Variants in SPTBN1 observed in about 807,000 individuals in gnomAD.
The protein encoded by SPTBN1 is spectrin beta chain, non-erythrocytic 1.
A neutral mutation model predicts 266.4 loss-of-function variants in SPTBN1; 32 were observed. The ratio of observed to expected loss-of-function variants is 0.12; its 90% CI spans 0.09 to 0.16. The LOEUF (loss-of-function observed/expected upper bound fraction) is 0.16. SPTBN1 is among the 10% of genes least tolerant of loss of function. SPTBN1 has a pLI of 1.00. For synonymous variants in SPTBN1, 1,336 were observed against 1,162.2 expected (o/e 1.15, Z -3.04); for missense variants, 2,296 against 3,067.1 (o/e 0.75, Z 5.94).
chr2:54,513,263 G>T (rs543283595), intron 1 of SPTBN1, among the ~76,000 whole-genome samples: 21 of 152,252 alleles, frequency 1.4e-4, no homozygotes, highest in African/African-American at 5.1e-4. Context: ...GTGGGGGGAG[G>T]TATATGTGTC....
At chr2:54,522,697 G>GAGAAAGAGAAAGAGAAAGAA (rs1553439439) in intron 1 of SPTBN1, among the ~76,000 whole-genome samples, 2 of 97,266 alleles carry the variant, frequency 2.1e-5, no homozygotes, top group East Asian at 2.8e-4. Flanking sequence ...GAGAGAGAGA[G>GAGAAAGAGAAAGAGAAAGAA]AGAAAGAAAG....
chr2:54,550,729 G>A (rs1672519107), intron 2 of SPTBN1, among the ~76,000 whole-genome samples: 1 of 152,178 alleles, frequency 6.6e-6, no homozygotes, highest in South Asian at 2.1e-4. Context: ...CCTGTCATTT[G>A]TTACATATTA....
chr2:54,540,195 A>G lies in SPTBN1; in HGVS notation c.148+13629A>G, dbSNP rs942415057. ...CCAGTCTGTGGTATTCTGTTTTAGC[A>G]GTCTGAACTAAGATGAATTTTTCTT... On this transcript the variant is annotated intron_variant, in intron 2 of 35. Coordinates refer to ENST00000356805, the MANE Select transcript of SPTBN1 (RefSeq NM_003128.3). This position sits in a 1 kb window ranked among gnomAD's most constrained non-coding sequence, Gnocchi z 5.6. Among the ~76,000 whole-genome samples the G allele has an allele frequency of 6.6e-6, 1 of 152,182 alleles. No individual in the cohort carries two copies. Among genetic ancestry groups the G allele is most frequent in the Non-Finnish European group, 1.5e-5 (1 of 68,034 alleles).
chr2:54,669,259 ATACAT>A lies in SPTBN1; in HGVS notation c.*693_*697del, dbSNP rs1360535291. The stretch of plus-strand genomic sequence containing the variant: ...ATTTCAATTTTTTTTTTTTGCTGAA[ATACAT>A]TATATTGTACGTTTGAGATAATTCT... On this transcript the variant is annotated 3_prime_UTR_variant, in exon 36 of 36. Transcript: ENST00000356805. The A allele has an allele frequency of 1.4e-5, 2 of 145,330 alleles. No individual in the cohort carries two copies. Among genetic ancestry groups the A allele is most frequent in the African/African-American group, 2.5e-5 (1 of 40,002 alleles). 9.0% of individuals were successfully genotyped at this position (145,330 alleles called of 1,614,324 possible). A position where few individuals can be genotyped will look rare whatever the true frequency, so the allele number is the denominator to read the frequency against.
chr2:54,495,708 A>G (rs1439749523), intron 1 of SPTBN1, among the ~76,000 whole-genome samples: 1 of 117,776 alleles, frequency 8.5e-6, no homozygotes, highest in Non-Finnish European at 2.0e-5. Flanking sequence ...GCATTATTCC[A>G]TGTTTTATGT....
chr2:54,628,217 G>A lies in SPTBN1; in HGVS notation c.1765G>A (p.Ala589Thr), dbSNP rs1363327067. ...GGCAGAGCGGGTGAGAGGTGTCAAT[G>A]CCTCCGCCCAGAAGTTCGCAACAGA... The part of the protein sequence containing the change: ...IQAERVRGVN[A>T]SAQKFATDGE... Residue 589 changes from alanine (A) to threonine (T), a missense_variant, in exon 13 of 36, where the codon GCC becomes ACC. By Grantham distance (58) the Ala-to-Thr change is moderately conservative (BLOSUM62 0). Around this residue, in one of 12 missense-constraint regions of SPTBN1, gnomAD observed 434 missense variants for 573.9 expected, o/e 0.76. Transcript: ENST00000356805. The surrounding 1 kb of genome is among the most constrained non-coding windows in gnomAD (Gnocchi z 4.3). 6.2e-7 allele frequency: 1 copy of A among 1,613,824 alleles called. No homozygotes were observed. The highest frequency in any genetic ancestry group is 1.3e-5 in the African/African-American group (1 of 75,032).
chr2:54,665,526 C>A (rs72806653), intron 33 of SPTBN1, among the ~76,000 whole-genome samples: 24,149 of 152,178 alleles, frequency 0.16, 2,022 homozygotes, highest in Middle Eastern at 0.2. Context: ...GCTGGAGGAG[C>A]TGCTGCTGGA....
intron 2 of SPTBN1, among the ~76,000 whole-genome samples, chr2:54,579,503 G>A (rs1674726355): frequency 6.6e-6 from 1 of 152,192 alleles, no homozygotes; most frequent in South Asian, 2.1e-4. Flanking sequence ...TGTATTGGTA[G>A]CATTAGCGCA....
chr2:54,577,188 G>A (rs1674549710), intron 2 of SPTBN1, among the ~76,000 whole-genome samples: 1 of 152,082 alleles, frequency 6.6e-6, no homozygotes, highest in Non-Finnish European at 1.5e-5. Context: ...GCTGATGTTG[G>A]TTAAATGACC....
At position 54,628,838 on chromosome 2, in the gene SPTBN1, A is replaced by C; in HGVS notation, c.1799-95A>C. On this transcript the variant is annotated intron_variant, in intron 13 of 35. Transcript: ENST00000356805. This position sits in a 1 kb window ranked among gnomAD's most constrained non-coding sequence, Gnocchi z 4.3. ...TACATTTAGCAGTGAGCTGGTAATCATAAGAATATGGGGTGTAGCTTACTG... is the reference window on the plus strand; with the variant it reads ...TACATTTAGCAGTGAGCTGGTAATCCTAAGAATATGGGGTGTAGCTTACTG... 1 of 1,464,706 alleles carries C rather than the reference A, an allele frequency of 6.8e-7. No individual in the cohort carries two copies. The highest frequency in any genetic ancestry group is 9.1e-7 in the Non-Finnish European group (1 of 1,096,204). The allele number at this position is 1,464,706 out of a possible 1,614,324, so 90.7% of individuals were successfully genotyped here. A position where few individuals can be genotyped will look rare whatever the true frequency, so the allele number is the denominator to read the frequency against.
Position 54,629,730 on chromosome 2 carries a change from G to A in SPTBN1, c.2596G>A (p.Asp866Asn), listed in dbSNP as rs755679177. The change falls in exon 14 of 36, where the codon GAC becomes AAC. Residue 866 changes from aspartate (D) to asparagine (N), a missense_variant. By Grantham distance (23) the Asp-to-Asn change is conservative (BLOSUM62 1). This residue lies in a region of SPTBN1 where 434 missense variants were observed against 573.9 expected (regional missense o/e 0.76). Coordinates refer to ENST00000356805, the MANE Select transcript of SPTBN1 (RefSeq NM_003128.3). ...SEADACELWI[D>N]EKEQWLNNMQ... is the part of the protein sequence containing the mutation. ...GGCTGATGCCTGTGAGCTCTGGATC[G>A]ACGAGAAGGAGCAGTGGCTCAACAA... is the stretch of plus-strand genomic sequence containing the variant. 4 of 1,612,396 alleles carry A rather than the reference G, an allele frequency of 2.5e-6. No homozygotes were observed. Among genetic ancestry groups the A allele is most frequent in the East Asian group, 2.2e-5 (1 of 44,882 alleles).
Position 54,632,783 on chromosome 2 carries a change from G to C in SPTBN1, c.3767+15G>C, listed in dbSNP as rs763377071. 6.2e-7 allele frequency: 1 copy of C among 1,613,386 alleles called. No homozygotes were observed. The highest frequency in any genetic ancestry group is 1.1e-5 in the South Asian group (1 of 90,930). ...ATTGATGACAGGTACAGTTTTCTGA[G>C]GTTCTTAAGGGAGCCTTGCACCTTG... is the stretch of plus-strand genomic sequence containing the variant. On this transcript the variant is annotated intron_variant, in intron 17 of 35. Transcript: ENST00000356805.
intron 2 of SPTBN1, among the ~76,000 whole-genome samples, chr2:54,583,761 C>T (rs935182973): frequency 6.6e-6 from 1 of 152,162 alleles, no homozygotes; most frequent in Non-Finnish European, 1.5e-5. Flanking sequence ...TTGAAGGCAG[C>T]AGTACACATA....
rs1280283325 is a variant in SPTBN1 at position 54,628,721 on chromosome 2, C to G, written c.1799-212C>G. Among the ~76,000 whole-genome samples, 1 of 151,738 alleles carries G rather than the reference C, an allele frequency of 6.6e-6. No homozygotes were observed. Among genetic ancestry groups the G allele is most frequent in the Non-Finnish European group, 1.5e-5 (1 of 67,950 alleles). On this transcript the variant is annotated intron_variant, in intron 13 of 35. Transcript: ENST00000356805. This position sits in a 1 kb window ranked among gnomAD's most constrained non-coding sequence, Gnocchi z 4.3. Reference sequence around the variant, plus strand: ...GATGATCACTTTGTCTGCGGTTTGGCCAAAAAAAAATAATGTTTATCATTG... The same window carrying G: ...GATGATCACTTTGTCTGCGGTTTGGGCAAAAAAAAATAATGTTTATCATTG...
rs76819532 is a variant in SPTBN1, at chr2:54,660,150, C to T, written c.6420+151C>T. ...CCTCTGGGTTTTGACTTTTTGGCTT[C>T]CACTTCACCCAAAATGTTAAAATTT... On this transcript the variant is annotated intron_variant, in intron 32 of 35. Coordinates refer to ENST00000356805, the MANE Select transcript of SPTBN1 (RefSeq NM_003128.3). The T allele has an allele frequency of 4.1e-3, 6,367 of 1,542,184 alleles. 213 individuals are homozygous for T. In the African/African-American group the frequency reaches 0.071, roughly 17 times the overall value.
intron 1 of SPTBN1, chr2:54,457,443 C>G (rs981289380): frequency 1.3e-5 from 2 of 152,558 alleles, no homozygotes; most frequent in African/African-American, 4.8e-5. Flanking sequence ...GATCAGAACG[C>G]AAACCTCTGT....
intron 19 of SPTBN1, among the ~76,000 whole-genome samples, chr2:54,643,360 C>G (rs547091611): frequency 6.6e-6 from 1 of 152,122 alleles, no homozygotes; most frequent in Admixed American, 6.5e-5. Flanking sequence ...TATCGTAGAA[C>G]GAATACTAGG....
intron 3 of SPTBN1, among the ~76,000 whole-genome samples, chr2:54,602,680 C>T (rs1191204897): frequency 6.6e-6 from 1 of 152,180 alleles, no homozygotes; most frequent in Non-Finnish European, 1.5e-5. Context: ...TGTCTTCTTA[C>T]TCCATCAGTC....
intron 1 of SPTBN1, among the ~76,000 whole-genome samples, chr2:54,478,189 AG>A (rs1006651247): frequency 7.9e-5 from 12 of 152,062 alleles, no homozygotes; most frequent in African/African-American, 2.7e-4. Context: ...TCCTGGTCCC[AG>A]GGCCCTTGTC....
Sources: allele counts gnomAD v4.1 joint callset (sites outside exome capture counted in the v4.1 genomes callset), GRCh38; gene constraint gnomAD v4.1.1; regional missense constraint gnomAD v4.1.1; non-coding constraint Gnocchi (gnomAD v3.1); transcripts MANE v1.5; gene names NCBI Gene and HGNC (gene_info 2026-07-23, HGNC 2026-07-21).